FMN1: variants seen among roughly 807,000 people sequenced by gnomAD.
FMN1 encodes the protein formin-1.
In FMN1, 110 loss-of-function variants were observed where a neutral mutation model predicts 132.4. That is an observed-to-expected ratio of 0.83 (90% CI 0.71 to 0.97). FMN1 has a LOEUF of 0.97. Ranked by LOEUF, FMN1 falls within the 50% of genes least tolerant of loss-of-function variation. The pLI is 0.00. For missense variants in FMN1, 1,792 were observed against 1,705.3 expected, an observed-to-expected ratio of 1.05 and a Z score of -0.90; for synonymous variants, 722 against 651.7, an observed-to-expected ratio of 1.11 and a Z score of -1.64.
intron 6 of FMN1, among the ~76,000 whole-genome samples, chr15:33,059,866 T>TAA (rs1265037302): frequency 1.3e-5 from 2 of 152,236 alleles, no homozygotes; most frequent in Non-Finnish European, 2.9e-5. Context: ...AGTATCTCCT[T>TAA]GAACACAATA....
chr15:33,097,242 T>C (rs758636979), intron 4 of FMN1, among the ~76,000 whole-genome samples: 1 of 150,618 alleles, frequency 6.6e-6, no homozygotes, highest in Non-Finnish European at 1.5e-5. Flanking sequence ...AGGTTGAGGC[T>C]GCAGTGAGCC....
chr15:33,076,364 A>C (rs963965138), intron 5 of FMN1, among the ~76,000 whole-genome samples: 2 of 152,192 alleles, frequency 1.3e-5, no homozygotes, highest in African/African-American at 4.8e-5. Flanking sequence ...TCATGCAGTA[A>C]AGCGAGGCAC....
At chr15:33,067,311 C>A in intron 5 of FMN1, 1 of 1,613,964 alleles carries the variant, frequency 6.2e-7, no homozygotes, top group Non-Finnish European at 8.5e-7. Flanking sequence ...TCCCCAGTGA[C>A]AGTATTTTCC....
chr15:33,089,925 T>G (rs1013176695), intron 4 of FMN1, among the ~76,000 whole-genome samples: 3 of 152,228 alleles, frequency 2.0e-5, no homozygotes, highest in African/African-American at 7.2e-5. Context: ...GTTAGCATAT[T>G]AAAGACCTTG....
intron 6 of FMN1, among the ~76,000 whole-genome samples, chr15:33,034,685 T>C (rs1189765953): frequency 6.8e-6 from 1 of 147,656 alleles, no homozygotes; most frequent in African/African-American, 2.5e-5. Context: ...ATTTTTTTTT[T>C]ACTACCTCCA....
At chr15:32,785,148 G>A (rs2056813002) in intron 19 of FMN1, among the ~76,000 whole-genome samples, 1 of 142,580 alleles carries the variant, frequency 7.0e-6, no homozygotes, top group Non-Finnish European at 1.5e-5. Flanking sequence ...GTGTGTGTGT[G>A]TGTGTATACG....
At chr15:33,103,934 T>C (rs1263533229) in intron 4 of FMN1, among the ~76,000 whole-genome samples, 1 of 152,032 alleles carries the variant, frequency 6.6e-6, no homozygotes, top group Admixed American at 6.6e-5. Flanking sequence ...GGCATAATCC[T>C]ACCAGAAAAT....
At chr15:33,164,826 T>A (rs1248762050) in intron 3 of FMN1, among the ~76,000 whole-genome samples, 1 of 152,220 alleles carries the variant, frequency 6.6e-6, no homozygotes, top group African/African-American at 2.4e-5. Flanking sequence ...GTATATATAC[T>A]TATGGGGTAC....
At chr15:33,148,302 T>C (rs1352314328) in intron 4 of FMN1, among the ~76,000 whole-genome samples, 1 of 152,212 alleles carries the variant, frequency 6.6e-6, no homozygotes, top group African/African-American at 2.4e-5. Context: ...AATCTACTCA[T>C]AGACGTCATT....
At chr15:32,911,539 C>T (rs143459078) in intron 10 of FMN1, among the ~76,000 whole-genome samples, 86 of 152,240 alleles carry the variant, frequency 5.6e-4, no homozygotes, top group African/African-American at 2.0e-3. Flanking sequence ...AGGTAAGGGG[C>T]AGGTTGTTTT....
chr15:33,135,343 T>C (rs1457269686), intron 4 of FMN1, among the ~76,000 whole-genome samples: 1 of 152,152 alleles, frequency 6.6e-6, no homozygotes, highest in Non-Finnish European at 1.5e-5. Flanking sequence ...AATGTGCCCT[T>C]AGAAATAAAG....
chr15:32,848,397 A>G (rs1007381810), intron 17 of FMN1, among the ~76,000 whole-genome samples: 5 of 152,198 alleles, frequency 3.3e-5, no homozygotes, highest in Admixed American at 1.3e-4. Flanking sequence ...AATGCCTTTA[A>G]ACATTTCCTT....
intron 14 of FMN1, 48 bp from the exon 15 acceptor site, chr15:32,898,941 T>C (rs751994069): frequency 3.9e-6 from 5 of 1,276,354 alleles, no homozygotes; most frequent in Non-Finnish European, 5.7e-6. Context: ...CATGAGACTG[T>C]CATGTTACAC....
chr15:32,930,618 T>C (rs1421132075), intron 9 of FMN1, among the ~76,000 whole-genome samples: 2 of 152,122 alleles, frequency 1.3e-5, no homozygotes, highest in Non-Finnish European at 2.9e-5. Context: ...TTTTTCCCAT[T>C]CTGTAAGTTG....
rs1233522482 is a variant in FMN1 at position 32,772,318 on chromosome 15, T to G, written c.*1992A>C. 6.6e-6 allele frequency: 1 copy of G among 152,210 alleles called. No individual in the cohort carries two copies. The highest frequency in any genetic ancestry group is 2.4e-5 in the African/African-American group (1 of 41,446). 9.4% of individuals were successfully genotyped at this position (152,210 alleles called of 1,614,324 possible). ...CTCAAACCTCCCGCTGCTCTCACCA[T>G]CAAGCCTATAAGGATTGAGACTTCT... On this transcript the variant is annotated 3_prime_UTR_variant, in exon 21 of 21. Coordinates refer to ENST00000616417, the MANE Select transcript of FMN1 (RefSeq NM_001277313.2).
chr15:33,058,600 A>C (rs926827191), intron 6 of FMN1, among the ~76,000 whole-genome samples: 9 of 151,912 alleles, frequency 5.9e-5, no homozygotes, highest in East Asian at 3.9e-4. Flanking sequence ...AATACCATTC[A>C]CTCCCTTCTT....
intron 16 of FMN1, among the ~76,000 whole-genome samples, chr15:32,875,857 A>C (rs2141403567): frequency 6.6e-6 from 1 of 152,326 alleles, no homozygotes; most frequent in South Asian, 2.1e-4. Flanking sequence ...GACCCAATAC[A>C]AGCTCATGGT....
chr15:33,114,482 G>C (rs1339878782), intron 4 of FMN1, among the ~76,000 whole-genome samples: 1 of 152,178 alleles, frequency 6.6e-6, no homozygotes, highest in Non-Finnish European at 1.5e-5. Flanking sequence ...CCGGAAGCCT[G>C]TCTGTCACAT....
At chr15:32,814,385 T>C (rs1412415617) in intron 17 of FMN1, among the ~76,000 whole-genome samples, 1 of 152,238 alleles carries the variant, frequency 6.6e-6, no homozygotes. Flanking sequence ...TTCCTTGTAA[T>C]GTCTACCTTG....
Sources: gnomAD v4.1 joint callset for allele counts (sites outside exome capture counted in the v4.1 genomes callset) on GRCh38, gnomAD v4.1.1 for gene constraint, MANE v1.5 for transcripts, NCBI Gene and HGNC (gene_info 2026-07-23, HGNC 2026-07-21) for gene names.